Variants in SLC5A4 observed in about 807,000 individuals in gnomAD.
The protein encoded by SLC5A4 is solute carrier family 5 member 4.
A neutral mutation model predicts 70.3 loss-of-function variants in SLC5A4; 55 were observed. The observed-to-expected ratio is 0.78, with a 90% CI of 0.63 to 0.98. SLC5A4 has a LOEUF of 0.98. SLC5A4 is among the 50% of genes least tolerant of loss of function. SLC5A4 has a pLI of 0.00. For missense variants in SLC5A4, 735 were observed against 839.2 expected, an observed-to-expected ratio of 0.88 and a Z score of 1.53; for synonymous variants, 268 against 305.7, an observed-to-expected ratio of 0.88 and a Z score of 1.29.
the SLC5A4 span, among the ~76,000 whole-genome samples, chr22:32,331,897 C>A: frequency 6.6e-6 from 1 of 152,042 alleles, no homozygotes; most frequent in East Asian, 1.9e-4. Flanking sequence ...TCTCTCGGGG[C>A]ATCTCAAACT....
chr22:32,254,912 G>A (rs926712000), intron 1 of SLC5A4, among the ~76,000 whole-genome samples: 1 of 152,016 alleles, frequency 6.6e-6, no homozygotes. Flanking sequence ...AAAAGAAAGC[G>A]AAAGAAATGC....
the SLC5A4 span, among the ~76,000 whole-genome samples, chr22:32,280,531 C>T: frequency 6.6e-6 from 1 of 152,192 alleles, no homozygotes; most frequent in Non-Finnish European, 1.5e-5. Context: ...GGCCTTGTGT[C>T]CTCTGCACTG....
At position 32,225,762 on chromosome 22, in the gene SLC5A4, G is replaced by T; in HGVS notation, c.1342C>A (p.Gln448Lys). The change falls in exon 12 of 15, where the codon CAA becomes AAA. Residue 448 changes from glutamine to lysine, a missense_variant. Physicochemically the swap from Gln to Lys is moderately conservative, Grantham distance 53 (BLOSUM62 1). Coordinates refer to ENST00000266086, the MANE Select transcript of SLC5A4 (RefSeq NM_014227.3). ...IVWVPLVQVS[Q>K]NGQLIHYTES... The stretch of plus-strand genomic sequence containing the variant: ...GTGTAATGGATTAGTTGTCCATTTT[G>T]AGAAACTTGTACCAGTGGGACCCAC... 1 of 1,612,178 alleles carries T rather than the reference G, an allele frequency of 6.2e-7. No individual in the cohort carries two copies. The highest frequency in any genetic ancestry group is 1.1e-5 in the South Asian group (1 of 91,012).
intron 5 of SLC5A4, 37 bp from the exon 6 acceptor site, chr22:32,239,127 C>T: frequency 6.8e-7 from 1 of 1,478,158 alleles, no homozygotes; most frequent in Non-Finnish European, 9.4e-7. Flanking sequence ...AAGAAACATG[C>T]ATTTGAGGCC....
intron 5 of SLC5A4, among the ~76,000 whole-genome samples, chr22:32,244,625 G>C (rs564634634): frequency 1.3e-5 from 2 of 152,218 alleles, no homozygotes; most frequent in South Asian, 2.1e-4. Context: ...TTAGCTCCTG[G>C]GTTCAAGTGA....
the SLC5A4 span, among the ~76,000 whole-genome samples, chr22:32,331,988 C>T: frequency 6.6e-6 from 1 of 152,118 alleles, no homozygotes; most frequent in Non-Finnish European, 1.5e-5. Context: ...GCTGCTCAGC[C>T]CAGGGGCCCA....
chr22:32,251,122 CAAAG>C (rs1256382353), intron 3 of SLC5A4, among the ~76,000 whole-genome samples: 3 of 35,440 alleles, frequency 8.5e-5, no homozygotes, highest in African/African-American at 3.3e-4. Flanking sequence ...TTAAAATTGA[CAAAG>C]AAGACAACAA....
At chr22:32,307,065 G>C in the SLC5A4 span, among the ~76,000 whole-genome samples, 7 of 152,212 alleles carry the variant, frequency 4.6e-5, no homozygotes, top group South Asian at 2.1e-4. Flanking sequence ...GTACCTCATT[G>C]TACCAACCCA....
At chr22:32,283,302 C>T in the SLC5A4 span, among the ~76,000 whole-genome samples, 1 of 152,238 alleles carries the variant, frequency 6.6e-6, no homozygotes, top group Admixed American at 6.5e-5. Flanking sequence ...TGGGCTCACA[C>T]CCTCACCTCC....
chr22:32,241,652 T>C (rs979798585), intron 5 of SLC5A4, among the ~76,000 whole-genome samples: 1 of 152,118 alleles, frequency 6.6e-6, no homozygotes, highest in Non-Finnish European at 1.5e-5. Flanking sequence ...AATTTATGCT[T>C]TTGTTATCTG....
chr22:32,288,639 C>T, the SLC5A4 span, among the ~76,000 whole-genome samples: 128 of 152,234 alleles, frequency 8.4e-4, no homozygotes, highest in African/African-American at 2.9e-3. Flanking sequence ...TTCTGCCTCC[C>T]GGGTTCAAGT....
the SLC5A4 span, among the ~76,000 whole-genome samples, chr22:32,328,833 A>G: frequency 6.6e-6 from 1 of 152,106 alleles, no homozygotes; most frequent in African/African-American, 2.4e-5. Flanking sequence ...GAGAGGGAGG[A>G]TCTTGGAGAT....
chr22:32,245,860 C>G (rs533949304), intron 5 of SLC5A4, among the ~76,000 whole-genome samples: 1 of 152,192 alleles, frequency 6.6e-6, no homozygotes, highest in African/African-American at 2.4e-5. Flanking sequence ...GATGTCAGCA[C>G]CAGAGGACAA....
upstream of SLC5A4, among the ~76,000 whole-genome samples, chr22:32,259,156 T>C (rs995000500): frequency 4.6e-5 from 7 of 152,226 alleles, no homozygotes; most frequent in Non-Finnish European, 8.8e-5. Flanking sequence ...CTGTACACCA[T>C]TGTACCTACA....
the SLC5A4 span, among the ~76,000 whole-genome samples, chr22:32,265,574 T>A: frequency 1.3e-5 from 2 of 152,282 alleles, no homozygotes; most frequent in Non-Finnish European, 2.9e-5. Context: ...ATATTTCATA[T>A]CCAAAATGTA....
the SLC5A4 span, among the ~76,000 whole-genome samples, chr22:32,328,345 G>A: frequency 6.6e-6 from 1 of 152,132 alleles, no homozygotes; most frequent in Non-Finnish European, 1.5e-5. Context: ...ACAGAGCCAA[G>A]TGGCTCGCTT....
the SLC5A4 span, among the ~76,000 whole-genome samples, chr22:32,353,210 T>C: frequency 0.086 from 13,099 of 152,088 alleles, 986 homozygotes; most frequent in East Asian, 0.46. Context: ...CTTCCTACTC[T>C]ACTAGAACCG....
the SLC5A4 span, among the ~76,000 whole-genome samples, chr22:32,330,243 C>CG: frequency 1.1e-5 from 1 of 89,344 alleles, no homozygotes; most frequent in African/African-American, 4.3e-5. Context: ...GTTGGGGTCT[C>CG]TGTGTTGGGG....
At chr22:32,290,075 C>CT in the SLC5A4 span, among the ~76,000 whole-genome samples, 1 of 40,834 alleles carries the variant, frequency 2.4e-5, no homozygotes. Flanking sequence ...CTGGGTTTTT[C>CT]TTTTTTTCTT....
Sources: gnomAD v4.1 joint callset for allele counts (sites outside exome capture counted in the v4.1 genomes callset) on GRCh38, gnomAD v4.1.1 for gene constraint, MANE v1.5 for transcripts, NCBI Gene and HGNC (gene_info 2026-07-23, HGNC 2026-07-21) for gene names.